ARHGAP24: variants seen among roughly 807,000 people sequenced by gnomAD.
The protein encoded by ARHGAP24 is Rho GTPase activating protein 24.
Under a neutral mutation model 76.4 loss-of-function variants are expected in ARHGAP24, and 50 were observed. The observed-to-expected ratio is 0.65, with a 90% confidence interval of 0.52 to 0.83. The LOEUF (loss-of-function observed/expected upper bound fraction) is 0.83, where lower values mean the gene tolerates loss of function less well. Ranked by LOEUF, ARHGAP24 falls within the 40% of genes least tolerant of loss-of-function variation. The pLI is 0.00. For missense variants in ARHGAP24, 930 were observed against 914.2 expected (o/e 1.02, Z -0.22); for synonymous variants, 345 against 323.3 (o/e 1.07, Z -0.72).
rs77619824 is a variant in ARHGAP24, at chr4:85,495,094, CAAA to C, written c.-21+19553_-21+19555del. Among the ~76,000 whole-genome samples the C allele has an allele frequency of 8.0e-3, 565 of 70,634 alleles. 2 individuals are homozygous for C. Among genetic ancestry groups the C allele is most frequent in the African/African-American group, 0.025 (532 of 21,658 alleles). The allele number at this position is 70,634 out of a possible 152,430, so 46.3% of individuals were successfully genotyped here. ...CAGGCGACAGTGCGAGACTCCGTCT[CAAA>C]AAAAAAAAAAAAAAAAAGAGTGACC... On this transcript the variant is annotated intron_variant, in intron 1 of 9. Coordinates refer to ENST00000395184, the MANE Select transcript of ARHGAP24 (RefSeq NM_001025616.3).
chr4:85,845,163 G>A (rs568247895), intron 3 of ARHGAP24, among the ~76,000 whole-genome samples: 1 of 152,248 alleles, frequency 6.6e-6, no homozygotes, highest in East Asian at 1.9e-4. Context: ...GACAATAAAG[G>A]AAGGTATTTT....
chr4:85,476,776 G>A (rs1380909384), intron 1 of ARHGAP24, among the ~76,000 whole-genome samples: 1 of 152,154 alleles, frequency 6.6e-6, no homozygotes, highest in Non-Finnish European at 1.5e-5. Context: ...CACACAGAAT[G>A]TATGTATTAG....
intron 3 of ARHGAP24, among the ~76,000 whole-genome samples, chr4:85,897,759 A>G (rs1734267058): frequency 6.6e-6 from 1 of 151,882 alleles, no homozygotes; most frequent in South Asian, 2.1e-4. Context: ...TGCTTATTGC[A>G]TCTTCCCAGG....
intron 8 of ARHGAP24, among the ~76,000 whole-genome samples, chr4:85,980,409 A>G (rs939987642): frequency 4.6e-5 from 7 of 152,124 alleles, no homozygotes; most frequent in African/African-American, 1.7e-4. Flanking sequence ...CTGGTTTGCA[A>G]AGACACTGAG....
chr4:85,777,740 A>T (rs1727359643), intron 3 of ARHGAP24, among the ~76,000 whole-genome samples: 2 of 151,344 alleles, frequency 1.3e-5, no homozygotes, highest in Non-Finnish European at 2.9e-5. Context: ...GAGGGATGAG[A>T]TAGATCTTAT....
intron 2 of ARHGAP24, among the ~76,000 whole-genome samples, chr4:85,693,836 C>T (rs1723766742): frequency 1.3e-5 from 2 of 152,176 alleles, no homozygotes; most frequent in South Asian, 2.1e-4. Flanking sequence ...TGCCTATGGC[C>T]GCTAGGTGCA....
chr4:85,573,159 G>A (rs759074989), intron 2 of ARHGAP24, among the ~76,000 whole-genome samples: 1 of 152,110 alleles, frequency 6.6e-6, no homozygotes, highest in Non-Finnish European at 1.5e-5. Context: ...TTACAGGCGT[G>A]AGTCACTGCG....
intron 2 of ARHGAP24, among the ~76,000 whole-genome samples, chr4:85,666,997 C>T (rs907474906): frequency 9.1e-4 from 139 of 152,132 alleles, no homozygotes; most frequent in Non-Finnish European, 1.4e-3. Context: ...TCTCCAGCTG[C>T]GTGCTGGGAG....
At chr4:85,771,379 T>C (rs115301099) in intron 3 of ARHGAP24, among the ~76,000 whole-genome samples, 2,068 of 152,250 alleles carry the variant, frequency 0.014, 30 homozygotes, top group Middle Eastern at 0.031. Context: ...GAGGAGAAAA[T>C]AAATGTCCCA....
intron 5 of ARHGAP24, among the ~76,000 whole-genome samples, chr4:85,948,122 C>G (rs1737398549): frequency 6.6e-6 from 1 of 152,098 alleles, no homozygotes; most frequent in South Asian, 2.1e-4. Context: ...TCTATTACAT[C>G]TCTTATTCTT....
intron 1 of ARHGAP24, among the ~76,000 whole-genome samples, chr4:85,529,781 A>T (rs75500419): frequency 1.3e-5 from 2 of 152,002 alleles, no homozygotes; most frequent in Admixed American, 6.6e-5. Context: ...CAATAAAAAT[A>T]TGTCATTCTC....
At position 85,881,162 on chromosome 4, in the gene ARHGAP24, G is replaced by A. The variant is rs112151387; in HGVS notation, c.269-42486G>A. Reference sequence around the variant, plus strand: ...CTACTAAGTGACAGACAGGCAGGTAGTGTATACAGCATGGATACACTGGAC... The same window carrying A: ...CTACTAAGTGACAGACAGGCAGGTAATGTATACAGCATGGATACACTGGAC... On this transcript the variant is annotated intron_variant, in intron 3 of 9. Transcript: ENST00000395184. Among the ~76,000 whole-genome samples the A allele has an allele frequency of 1.1e-4, 16 of 152,274 alleles. No homozygotes were observed. The South Asian group carries it at 3.3e-3, about 32-fold the overall frequency.
At chr4:85,791,674 T>C (rs1728133380) in intron 3 of ARHGAP24, among the ~76,000 whole-genome samples, 1 of 152,170 alleles carries the variant, frequency 6.6e-6, no homozygotes, top group Admixed American at 6.6e-5. Context: ...TGGAAGCACA[T>C]ATTGAGGTGC....
At position 85,897,988 on chromosome 4, in the gene ARHGAP24, T is replaced by C. The variant is rs62315528; in HGVS notation, c.269-25660T>C. ...TAGAAATTTACCTCTAATACACACA[T>C]ATATATATATATATACACATATATA... On this transcript the variant is annotated intron_variant, in intron 3 of 9. Coordinates refer to ENST00000395184, the MANE Select transcript of ARHGAP24 (RefSeq NM_001025616.3). 8.7e-3 allele frequency among the ~76,000 whole-genome samples: 137 copies of C among 15,658 alleles called. 1 individual carries two copies. The highest frequency in any genetic ancestry group is 0.016 in the East Asian group (33 of 2,022). The allele number at this position is 15,658 out of a possible 152,430, so 10.3% of individuals were successfully genotyped here.
rs74977273 is a variant in ARHGAP24 at position 85,832,218 on chromosome 4, G to A, written c.269-91430G>A. Among the ~76,000 whole-genome samples the A allele has an allele frequency of 4.1e-3, 620 of 152,270 alleles. 6 individuals are homozygous for A. Among genetic ancestry groups the A allele is most frequent in the Admixed American group, 8.6e-3 (132 of 15,294 alleles). ...GAGAAGGCTTGGGATTAGCTAGTTT[G>A]TATAATTCCGGTGGTCTCAGTGGTG... is the stretch of plus-strand genomic sequence containing the variant. On this transcript the variant is annotated intron_variant, in intron 3 of 9. Coordinates refer to ENST00000395184, the MANE Select transcript of ARHGAP24 (RefSeq NM_001025616.3).
At position 85,724,747 on chromosome 4, in the gene ARHGAP24, T is replaced by C. The variant is rs915956496; in HGVS notation, c.268+2775T>C. Among the ~76,000 whole-genome samples, 7 of 152,192 alleles carry C rather than the reference T, an allele frequency of 4.6e-5. No individual in the cohort carries two copies. The East Asian group carries it at 9.7e-4, about 21-fold the overall frequency. On this transcript the variant is annotated intron_variant, in intron 3 of 9. Coordinates refer to ENST00000395184, the MANE Select transcript of ARHGAP24 (RefSeq NM_001025616.3). The stretch of plus-strand genomic sequence containing the variant: ...AAAATAAATCTACCATGTTTTAGGG[T>C]TGATTTCCTATAGATTCATTATCCT...
chr4:85,919,285 T>C (rs1039587174), intron 3 of ARHGAP24, among the ~76,000 whole-genome samples: 10 of 152,190 alleles, frequency 6.6e-5, no homozygotes, highest in African/African-American at 2.4e-4. Flanking sequence ...AAATCATATC[T>C]TTGGTAAGTT....
chr4:85,772,364 G>C (rs919760105), intron 3 of ARHGAP24, among the ~76,000 whole-genome samples: 2 of 151,972 alleles, frequency 1.3e-5, no homozygotes, highest in Non-Finnish European at 2.9e-5. Flanking sequence ...ATCCACAGGG[G>C]GTATAAAATA....
intron 1 of ARHGAP24, among the ~76,000 whole-genome samples, chr4:85,557,138 G>T (rs1726413280): frequency 6.6e-6 from 1 of 152,220 alleles, no homozygotes. Context: ...TTGCAGAGCT[G>T]CTCCCTGCCC....
Sources: gnomAD v4.1 joint callset for allele counts (sites outside exome capture counted in the v4.1 genomes callset) on GRCh38, gnomAD v4.1.1 for gene constraint, MANE v1.5 for transcripts, NCBI Gene and HGNC (gene_info 2026-07-23, HGNC 2026-07-21) for gene names.